The following ANKRD11 variants were observed in gnomAD, a reference collection of about 807,000 sequenced individuals.
The protein encoded by ANKRD11 is ankyrin repeat domain-containing protein 11.
In ANKRD11, 17 loss-of-function variants were observed where a neutral mutation model predicts 195.7. That is an observed-to-expected ratio of 0.09 (90% CI 0.06 to 0.13). ANKRD11 has a LOEUF of 0.13. Among genes scored for constraint, ANKRD11 ranks in the 10% least tolerant of loss-of-function variants. ANKRD11 has a pLI of 1.00. For missense variants in ANKRD11, 3,735 were observed against 3,566.1 expected, an observed-to-expected ratio of 1.05 and a Z score of -1.21; for synonymous variants, 1,953 against 1,528.1, an observed-to-expected ratio of 1.28 and a Z score of -6.49.
intron 2 of ANKRD11, among the ~76,000 whole-genome samples, chr16:89,408,977 C>T (rs2042014614): frequency 6.6e-6 from 1 of 152,134 alleles, no homozygotes. Flanking sequence ...AGGAGGAATA[C>T]AGAAAAGGCG....
chr16:89,380,626 G>A (rs2040602806), intron 2 of ANKRD11, among the ~76,000 whole-genome samples: 1 of 152,198 alleles, frequency 6.6e-6, no homozygotes, highest in Non-Finnish European at 1.5e-5. Flanking sequence ...TTTGTTAAAA[G>A]ACAATAACCA....
chr16:89,371,204 C>A (rs2040178191), intron 2 of ANKRD11, among the ~76,000 whole-genome samples: 1 of 152,176 alleles, frequency 6.6e-6, no homozygotes, highest in Non-Finnish European at 1.5e-5. Context: ...CAACGACTCT[C>A]ACTACCTCCC....
intron 9 of ANKRD11, chr16:89,278,750 A>G (rs1014676024): frequency 3.7e-6 from 2 of 538,562 alleles, no homozygotes; most frequent in Non-Finnish European, 7.1e-6. Context: ...GTGGACGGGG[A>G]GTGGAGAGGG....
At chr16:89,332,249 T>C (rs2038104877) in intron 2 of ANKRD11, among the ~76,000 whole-genome samples, 1 of 152,184 alleles carries the variant, frequency 6.6e-6, no homozygotes, top group Non-Finnish European at 1.5e-5. Context: ...AAGCAGACTA[T>C]AAACACTGAA....
At chr16:89,485,924 T>C (rs541436662) in intron 1 of ANKRD11, among the ~76,000 whole-genome samples, 1 of 152,248 alleles carries the variant, frequency 6.6e-6, no homozygotes, top group African/African-American at 2.4e-5. Context: ...TTTCAACCCA[T>C]CCTTTACAGT....
intron 2 of ANKRD11, among the ~76,000 whole-genome samples, chr16:89,376,419 G>T (rs1037245532): frequency 1.3e-5 from 2 of 152,160 alleles, no homozygotes; most frequent in Non-Finnish European, 2.9e-5. Context: ...GAGGAAAAAG[G>T]ACATGTGCCT....
chr16:89,292,109 G>A lies in ANKRD11; in HGVS notation c.227-926C>T, dbSNP rs113405971. Among the ~76,000 whole-genome samples, 957 of 152,236 alleles carry A rather than the reference G, an allele frequency of 6.3e-3. 6 individuals are homozygous for A. The highest frequency in any genetic ancestry group is 0.011 in the Non-Finnish European group (747 of 68,008). The stretch of plus-strand genomic sequence containing the variant: ...GGTTCTGGGGTTTTCTAGGTCATGG[G>A]GTGAAACTGCAGAGGTGCAGCGCAG... On this transcript the variant is annotated intron_variant, in intron 4 of 12. Coordinates refer to ENST00000301030, the MANE Select transcript of ANKRD11 (RefSeq NM_013275.6).
Position 89,349,134 on chromosome 16 carries a change from T to TAAAAAAAAAAAAAAAAA in ANKRD11, c.-59-32073_-59-32057dup. Among the ~76,000 whole-genome samples the TAAAAAAAAAAAAAAAAA allele has an allele frequency of 3.4e-3, 57 of 16,570 alleles. 4 individuals carry two copies. The highest frequency in any genetic ancestry group is 3.6e-3 in the African/African-American group (13 of 3,566). 10.9% of individuals were successfully genotyped at this position (16,570 alleles called of 152,430 possible). A position where few individuals can be genotyped will look rare whatever the true frequency, so the allele number is the denominator to read the frequency against. Reference sequence around the variant, plus strand: ...CAGAGTAAAACACTGTCTCAAAAAGTAAAAAAAAAAAAAAAAAAAAAAAAA... The same window carrying TAAAAAAAAAAAAAAAAA: ...CAGAGTAAAACACTGTCTCAAAAAGTAAAAAAAAAAAAAAAAAAAAAAAAAAAAAAAAAAAAAAAAAA... On this transcript the variant is annotated intron_variant, in intron 2 of 12. Coordinates refer to ENST00000301030, the MANE Select transcript of ANKRD11 (RefSeq NM_013275.6).
intron 4 of ANKRD11, chr16:89,299,696 C>A (rs115298459): frequency 0.026 from 2,463 of 96,270 alleles, 205 homozygotes; most frequent in East Asian, 0.23. Context: ...GTGTGGGATG[C>A]CTGCCCTGTG....
chr16:89,314,700 C>G (rs1331986036), intron 3 of ANKRD11, among the ~76,000 whole-genome samples: 5 of 152,210 alleles, frequency 3.3e-5, no homozygotes, highest in African/African-American at 9.7e-5. Flanking sequence ...CCTCTTTCCT[C>G]CACTGCTTAC....
At chr16:89,314,975 G>C (rs1032132392) in intron 3 of ANKRD11, among the ~76,000 whole-genome samples, 44 of 152,264 alleles carry the variant, frequency 2.9e-4, no homozygotes, top group Middle Eastern at 3.4e-3. Context: ...TTTGTTCCTA[G>C]AGCACACCCC....
Position 89,291,255 on chromosome 16 carries a change from C to T in ANKRD11, c.227-72G>A. ...GTGTCCTCCAAAGCTAGGTCCTTAC[C>T]TAATGTTACGGAGCCCCCTGCGTCC... On this transcript the variant is annotated intron_variant, in intron 4 of 12. Transcript: ENST00000301030. This position sits in a 1 kb window ranked among gnomAD's most constrained non-coding sequence, Gnocchi z 5.3. 1.3e-6 allele frequency: 2 copies of T among 1,583,686 alleles called. No homozygotes were observed. Among genetic ancestry groups the T allele is most frequent in the Non-Finnish European group, 1.7e-6 (2 of 1,165,016 alleles).
intron 1 of ANKRD11, among the ~76,000 whole-genome samples, chr16:89,480,044 G>C (rs966805309): frequency 1.6e-4 from 25 of 151,588 alleles, no homozygotes; most frequent in Admixed American, 1.6e-3. Flanking sequence ...CCGAGAGGCA[G>C]AGGTTGCAGT....
At chr16:89,359,756 G>C (rs1245852934) in intron 2 of ANKRD11, among the ~76,000 whole-genome samples, 2 of 152,172 alleles carry the variant, frequency 1.3e-5, no homozygotes, top group Non-Finnish European at 2.9e-5. Context: ...GCCAGCAGAA[G>C]ATGTTTGCAT....
At chr16:89,467,773 G>A (rs1329896297) in intron 1 of ANKRD11, among the ~76,000 whole-genome samples, 4 of 152,032 alleles carry the variant, frequency 2.6e-5, no homozygotes, top group East Asian at 1.9e-4. Context: ...CAGATAAGAC[G>A]ACTGGGTGAC....
chr16:89,432,940 C>G (rs967539463), intron 1 of ANKRD11, among the ~76,000 whole-genome samples: 34 of 121,804 alleles, frequency 2.8e-4, no homozygotes, highest in Admixed American at 1.1e-3. Flanking sequence ...GTGACAGAGA[C>G]CCTATCTCTC....
intron 7 of ANKRD11, chr16:89,288,052 T>C: frequency 1.8e-6 from 1 of 554,886 alleles, no homozygotes; most frequent in South Asian, 2.6e-5. Context: ...CTGAGACCTC[T>C]CAGTGCCCAC....
intron 4 of ANKRD11, among the ~76,000 whole-genome samples, chr16:89,295,540 C>T (rs1005848359): frequency 4.6e-5 from 7 of 152,236 alleles, no homozygotes; most frequent in Admixed American, 3.9e-4. Flanking sequence ...AGCCCCATGC[C>T]CCTTCCTGGT....
At chr16:89,303,966 C>G (rs1269015439) in intron 4 of ANKRD11, among the ~76,000 whole-genome samples, 2 of 152,220 alleles carry the variant, frequency 1.3e-5, no homozygotes, top group Non-Finnish European at 2.9e-5. Flanking sequence ...TTCAAGAAGT[C>G]TCAGGAAGCC....
Sources: allele counts gnomAD v4.1 joint callset (sites outside exome capture counted in the v4.1 genomes callset), GRCh38; gene constraint gnomAD v4.1.1; non-coding constraint Gnocchi (gnomAD v3.1); transcripts MANE v1.5; gene names NCBI Gene and HGNC (gene_info 2026-07-23, HGNC 2026-07-21).